Variants in SIN3A observed in about 807,000 individuals in gnomAD.
SIN3A encodes the protein paired amphipathic helix protein Sin3a.
A neutral mutation model predicts 146.1 loss-of-function variants in SIN3A; 14 were observed. The ratio of observed to expected loss-of-function variants is 0.10; its 90% CI spans 0.06 to 0.15. The LOEUF is 0.15. Ranked by LOEUF, SIN3A falls within the 10% of genes least tolerant of loss-of-function variation. The pLI, the probability that SIN3A is intolerant of heterozygous loss-of-function variation, is 1.00. For missense variants in SIN3A, 1,028 were observed against 1,576.0 expected, an observed-to-expected ratio of 0.65 and a Z score of 5.89; for synonymous variants, 572 against 572.0, an observed-to-expected ratio of 1.00 and a Z score of 0.00.
chr15:75,422,780 A>G lies in SIN3A; in HGVS notation c.233T>C (p.Ile78Thr). 1.2e-6 allele frequency: 2 copies of G among 1,614,172 alleles called. No homozygotes were observed. Among genetic ancestry groups the G allele is most frequent in the Non-Finnish European group, 1.7e-6 (2 of 1,180,008 alleles). Residue 78 changes from isoleucine to threonine, a missense_variant, in exon 3 of 21, where the codon ATA becomes ACA. Transcript: ENST00000394947. ...ATGATGGCTGCTATGAACTGCTGCT[A>G]TAGCGGGCCCATGACTGCCGGAGCT... ...PQSSGSHGPA[I>T]AAVHSSHHHP... is the part of the protein sequence containing the mutation.
At chr15:75,428,892 A>AGC (rs1268908480) in intron 2 of SIN3A, among the ~76,000 whole-genome samples, 1 of 152,118 alleles carries the variant, frequency 6.6e-6, no homozygotes, top group African/African-American at 2.4e-5. Flanking sequence ...CCTCCTCCTC[A>AGC]GCCTCCTCAA....
At chr15:75,382,181 T>TC (rs2072984926) in intron 17 of SIN3A, among the ~76,000 whole-genome samples, 1 of 152,192 alleles carries the variant, frequency 6.6e-6, no homozygotes, top group East Asian at 1.9e-4. Context: ...GAGACAAAAC[T>TC]GAAATTCAGA....
chr15:75,430,690 G>A (rs1017480177), intron 1 of SIN3A, among the ~76,000 whole-genome samples: 9 of 151,986 alleles, frequency 5.9e-5, no homozygotes, highest in Non-Finnish European at 1.2e-4. Context: ...ACACAACCTT[G>A]TTTCCCTTTA....
chr15:75,438,646 G>GCA (rs1567417055), intron 1 of SIN3A, among the ~76,000 whole-genome samples: 61 of 151,986 alleles, frequency 4.0e-4, no homozygotes, highest in Admixed American at 3.3e-3. Context: ...CTGTGATTAT[G>GCA]CCACTGCACT....
At chr15:75,394,531 G>T (rs1018828633) in intron 14 of SIN3A, 149 bp downstream of exon 14, 6 of 575,390 alleles carry the variant, frequency 1.0e-5, no homozygotes, top group African/African-American at 7.6e-5. Context: ...GGTAGAATGA[G>T]GAATAGAAAA....
intron 8 of SIN3A, among the ~76,000 whole-genome samples, chr15:75,408,533 G>A (rs2073564041): frequency 6.6e-6 from 1 of 152,150 alleles, no homozygotes; most frequent in South Asian, 2.1e-4. Flanking sequence ...GAAATTCACT[G>A]AAGAATTAAA....
At chr15:75,432,316 G>A (rs948090955) in intron 1 of SIN3A, among the ~76,000 whole-genome samples, 1 of 152,224 alleles carries the variant, frequency 6.6e-6, no homozygotes, top group Admixed American at 6.5e-5. Context: ...ACTTTCAGTG[G>A]TTTGGTCTTG....
intron 3 of SIN3A, among the ~76,000 whole-genome samples, chr15:75,418,118 G>T (rs2073774633): frequency 6.6e-6 from 1 of 150,546 alleles, no homozygotes; most frequent in African/African-American, 2.4e-5. Context: ...TACAACCTCC[G>T]CCTCCCGGGT....
intron 1 of SIN3A, among the ~76,000 whole-genome samples, chr15:75,439,754 G>T (rs767470463): frequency 1.3e-5 from 2 of 151,824 alleles, no homozygotes; most frequent in Admixed American, 1.3e-4. Context: ...CTTTTTTTAC[G>T]CCTGGTCTCC....
intron 16 of SIN3A, among the ~76,000 whole-genome samples, chr15:75,387,865 CTATG>C (rs1463486207): frequency 6.6e-6 from 1 of 152,112 alleles, no homozygotes; most frequent in Non-Finnish European, 1.5e-5. Flanking sequence ...CTATGGGTGA[CTATG>C]TATCCATCTA....
chr15:75,392,629 C>G lies in SIN3A; in HGVS notation c.2464G>C (p.Asp822His), dbSNP rs1258327914. 1 of 1,614,210 alleles carries G rather than the reference C, an allele frequency of 6.2e-7. No homozygotes were observed. The highest frequency in any genetic ancestry group is 8.5e-7 in the Non-Finnish European group (1 of 1,180,040). ...IKQIMHHFIP[D>H]LLFAQRGDLS... ...TCACCTCTTTGGGCAAAGAGCAAAT[C>G]TGGAATAAAATGATGCATGATTTGT... Residue 822 changes from aspartate to histidine, a missense_variant, in exon 15 of 21, where the codon GAT becomes CAT. Physicochemically the swap from Asp to His is moderately conservative, Grantham distance 81. Transcript: ENST00000394947.
At position 75,407,161 on chromosome 15, in the gene SIN3A, C is replaced by T. The variant is rs1392090575; in HGVS notation, c.1318-17G>A. 7 of 1,545,738 alleles carry T rather than the reference C, an allele frequency of 4.5e-6. No individual in the cohort carries two copies. The highest frequency in any genetic ancestry group is 1.1e-5 in the South Asian group (1 of 87,512). ...GGGTTTCTTCTGCAAAAGAAAGATA[C>T]AAACATGTGAGATTCAACGAGTGGT... On this transcript the variant is annotated splice_polypyrimidine_tract_variant and intron_variant, in intron 8 of 20. Coordinates refer to ENST00000394947, the MANE Select transcript of SIN3A (RefSeq NM_001145358.2).
At chr15:75,392,968 C>T (rs2073236340) in intron 14 of SIN3A, among the ~76,000 whole-genome samples, 153 bp from the exon 15 acceptor site, 1 of 152,166 alleles carries the variant, frequency 6.6e-6, no homozygotes, top group Non-Finnish European at 1.5e-5. Context: ...CGGTGGCTCA[C>T]GTCTATAATC....
At chr15:75,442,434 A>G (rs1462844536) in intron 1 of SIN3A, among the ~76,000 whole-genome samples, 2 of 151,400 alleles carry the variant, frequency 1.3e-5, no homozygotes, top group Non-Finnish European at 2.9e-5. Context: ...CAGCCTCCCA[A>G]GAAGGTGGGA....
intron 20 of SIN3A, among the ~76,000 whole-genome samples, chr15:75,373,812 A>G (rs1483532019): frequency 6.6e-6 from 1 of 152,190 alleles, no homozygotes; most frequent in Non-Finnish European, 1.5e-5. Flanking sequence ...TACAACATAC[A>G]AAATATGTTG....
intron 15 of SIN3A, among the ~76,000 whole-genome samples, chr15:75,391,237 G>T (rs1567332443): frequency 6.6e-6 from 1 of 152,182 alleles, no homozygotes; most frequent in African/African-American, 2.4e-5. Context: ...ACAAGCTGTG[G>T]TAAGTGTGAG....
intron 1 of SIN3A, among the ~76,000 whole-genome samples, chr15:75,447,186 G>A (rs1411693310): frequency 6.6e-6 from 1 of 152,206 alleles, no homozygotes; most frequent in African/African-American, 2.4e-5. Context: ...AGAATCACTT[G>A]GGTTGCTATG....
intron 15 of SIN3A, among the ~76,000 whole-genome samples, 192 bp downstream of exon 15, chr15:75,392,050 T>C (rs1019613024): frequency 6.6e-6 from 1 of 152,220 alleles, no homozygotes; most frequent in Admixed American, 6.5e-5. Context: ...AAGCCCTGCA[T>C]AGGATACTTT....
upstream of SIN3A, among the ~76,000 whole-genome samples, chr15:75,452,532 G>A (rs2074427193): frequency 6.6e-6 from 1 of 152,366 alleles, no homozygotes; most frequent in South Asian, 2.1e-4. Flanking sequence ...AATATCCGGA[G>A]CAGCTGGCAA....
Sources: allele counts gnomAD v4.1 joint callset (sites outside exome capture counted in the v4.1 genomes callset), GRCh38; gene constraint gnomAD v4.1.1; transcripts MANE v1.5; gene names NCBI Gene and HGNC (gene_info 2026-07-23, HGNC 2026-07-21).